The following MFSD1 variants were observed in gnomAD, a reference collection of about 807,000 sequenced individuals.
MFSD1 encodes the protein major facilitator superfamily domain containing 1, also known as lysosomal dipeptide transporter MFSD1.
In MFSD1, 59 loss-of-function variants were observed where a neutral mutation model predicts 67.1. That is an observed-to-expected ratio of 0.88 (90% CI 0.71 to 1.09). The LOEUF (loss-of-function observed/expected upper bound fraction) is 1.09, where lower values mean the gene tolerates loss of function less well. Among genes scored for constraint, MFSD1 ranks in the 50% least tolerant of loss-of-function variants. MFSD1 has a pLI of 0.00. For synonymous variants in MFSD1, 213 were observed against 200.3 expected (o/e 1.06, Z -0.54); for missense variants, 552 against 566.1 (o/e 0.97, Z 0.25).
intron 8 of MFSD1, 58 bp from the exon 9 acceptor site, chr3:158,820,157 T>A: frequency 2.3e-6 from 2 of 874,118 alleles, no homozygotes; most frequent in Non-Finnish European, 3.8e-6. Flanking sequence ...TGACTATAGA[T>A]GAAAGCTCCT....
chr3:158,821,732 A>G, intron 10 of MFSD1, 79 bp downstream of exon 10: 1 of 1,258,348 alleles, frequency 7.9e-7, no homozygotes, highest in Non-Finnish European at 1.1e-6. Flanking sequence ...AAGAAGCAAA[A>G]AAGATGTATG....
chr3:158,818,196 C>A (rs1431859614), intron 7 of MFSD1, among the ~76,000 whole-genome samples: 3 of 152,144 alleles, frequency 2.0e-5, no homozygotes. Flanking sequence ...AAGATGTGCA[C>A]ATCTTTTATT....
At chr3:158,825,889 T>C (rs1375804725) in intron 13 of MFSD1, 126 bp from the exon 14 acceptor site, 6 of 728,740 alleles carry the variant, frequency 8.2e-6, no homozygotes, top group Non-Finnish European at 9.3e-6. Flanking sequence ...GGGAATAATA[T>C]TTTTATTTAA....
Position 158,802,178 on chromosome 3 carries a change from G to A in MFSD1, c.26G>A (p.Arg9Gln), listed in dbSNP as rs1231852068. The A allele has an allele frequency of 1.9e-6, 3 of 1,612,138 alleles. No individual in the cohort carries two copies. The highest frequency in any genetic ancestry group is 2.5e-6 in the Non-Finnish European group (3 of 1,179,526). Residue 9 changes from arginine (R) to glutamine (Q), a missense_variant, in exon 1 of 16, where the codon CGG (arginine) becomes CAG (glutamine). By Grantham distance (43) the Arg-to-Gln change is conservative. Transcript: ENST00000415822. ...ATGGAGGAGGAGGATGAGGAAGCGC[G>A]GGCGCTCCTGGCAGGCGGCCCTGAC... MEEEDEEA[R>Q]ALLAGGPDEA...
chr3:158,822,441 T>C, intron 11 of MFSD1: 1 of 181,360 alleles, frequency 5.5e-6, no homozygotes, highest in Non-Finnish European at 1.1e-5. Context: ...TTTGTTTTTC[T>C]AAAATAGGTG....
At chr3:158,809,313 A>G (rs1448360673) in intron 6 of MFSD1, 26 bp downstream of exon 6, 1 of 1,422,294 alleles carries the variant, frequency 7.0e-7, no homozygotes, top group Non-Finnish European at 9.7e-7. Flanking sequence ...AGCCTGATGA[A>G]GCCAAATGGA....
At chr3:158,825,006 A>G (rs1354146568) in intron 13 of MFSD1, among the ~76,000 whole-genome samples, 4 of 152,342 alleles carry the variant, frequency 2.6e-5, no homozygotes, top group African/African-American at 7.2e-5. Context: ...AAAGTGGGTC[A>G]TATAAGAATT....
At chr3:158,806,241 T>A (rs973145577) in intron 3 of MFSD1, among the ~76,000 whole-genome samples, 1 of 152,060 alleles carries the variant, frequency 6.6e-6, no homozygotes, top group Non-Finnish European at 1.5e-5. Flanking sequence ...ATTAAATTTA[T>A]TTTTTTTGAT....
At chr3:158,818,285 C>A (rs571492797) in intron 7 of MFSD1, among the ~76,000 whole-genome samples, 1 of 152,254 alleles carries the variant, frequency 6.6e-6, no homozygotes, top group South Asian at 2.1e-4. Context: ...TACACAGATA[C>A]ATTGTGTAAC....
intron 7 of MFSD1, among the ~76,000 whole-genome samples, chr3:158,816,382 A>G (rs1283710836): frequency 6.6e-6 from 1 of 151,886 alleles, no homozygotes; most frequent in East Asian, 1.9e-4. Flanking sequence ...TGTGGTTTTG[A>G]TTTGCATTTC....
intron 3 of MFSD1, among the ~76,000 whole-genome samples, chr3:158,806,347 G>A (rs1352891611): frequency 2.0e-5 from 3 of 152,184 alleles, no homozygotes; most frequent in African/African-American, 7.2e-5. Context: ...GACAAGAATT[G>A]TCTTGGAACC....
intron 14 of MFSD1, among the ~76,000 whole-genome samples, chr3:158,826,371 A>C (rs531297075): frequency 6.6e-6 from 1 of 152,192 alleles, no homozygotes; most frequent in East Asian, 1.9e-4. Context: ...CCTCTGTGTT[A>C]TTGTCCTACG....
intron 8 of MFSD1, 140 bp downstream of exon 8, chr3:158,819,887 T>A: frequency 1.9e-6 from 1 of 529,210 alleles, no homozygotes; most frequent in South Asian, 3.2e-5. Context: ...TCCAAATTGA[T>A]TTCCACTTTT....
intron 1 of MFSD1, among the ~76,000 whole-genome samples, chr3:158,803,865 G>T (rs758476966): frequency 2.0e-5 from 3 of 151,904 alleles, no homozygotes; most frequent in Non-Finnish European, 4.4e-5. Flanking sequence ...TAGAATTAGA[G>T]AACTTGTTTC....
chr3:158,804,220 G>T, intron 1 of MFSD1, 99 bp from the exon 2 acceptor site: 1 of 755,880 alleles, frequency 1.3e-6, no homozygotes, highest in Non-Finnish European at 2.2e-6. Context: ...GTGTCAACCC[G>T]TAGTATCAGC....
intron 6 of MFSD1, among the ~76,000 whole-genome samples, chr3:158,810,709 C>T (rs1188267862): frequency 6.6e-6 from 1 of 152,178 alleles, no homozygotes. Context: ...TACATCCCCA[C>T]CTGTGGGATA....
chr3:158,827,933 A>AGT (rs1731082500), intron 15 of MFSD1, among the ~76,000 whole-genome samples: 1 of 33,332 alleles, frequency 3.0e-5, no homozygotes, highest in African/African-American at 1.3e-4. Flanking sequence ...AGAGAGAGAG[A>AGT]GAGAGAGAGG....
Position 158,829,416 on chromosome 3 carries a change from C to T in MFSD1, c.*434C>T, listed in dbSNP as rs1731196691. The T allele has an allele frequency of 6.5e-6, 1 of 152,934 alleles. No individual in the cohort carries two copies. Among genetic ancestry groups the T allele is most frequent in the African/African-American group, 2.4e-5 (1 of 41,490 alleles). 9.5% of individuals were successfully genotyped at this position (152,934 alleles called of 1,614,324 possible). A position where few individuals can be genotyped will look rare whatever the true frequency, so the allele number is the denominator to read the frequency against. ...TACACAAAATAAACAATGGCATTGT[C>T]ATAGGCCTTCCTTTTACTAGTAGGG... On this transcript the variant is annotated 3_prime_UTR_variant, in exon 16 of 16. Coordinates refer to ENST00000415822, the MANE Select transcript of MFSD1 (RefSeq NM_022736.4).
At chr3:158,815,856 A>C (rs1354327394) in intron 7 of MFSD1, among the ~76,000 whole-genome samples, 1 of 136,154 alleles carries the variant, frequency 7.3e-6, no homozygotes, top group African/African-American at 2.8e-5. Flanking sequence ...TCCTGTGTCC[A>C]AGTGTTCTCA....
Sources: gnomAD v4.1 joint callset for allele counts (sites outside exome capture counted in the v4.1 genomes callset) on GRCh38, gnomAD v4.1.1 for gene constraint, MANE v1.5 for transcripts, NCBI Gene and HGNC (gene_info 2026-07-23, HGNC 2026-07-21) for gene names.